Variants in DOCK3 observed in about 807,000 individuals in gnomAD.
DOCK3 encodes dedicator of cytokinesis 3, also known as dedicator of cytokinesis protein 3.
In DOCK3, 60 loss-of-function variants were observed where a neutral mutation model predicts 265.6. The observed-to-expected ratio is 0.23, with a 90% CI of 0.18 to 0.28. DOCK3 has a LOEUF of 0.28. DOCK3 is among the 10% of genes least tolerant of loss of function. DOCK3 has a pLI of 1.00. For missense variants in DOCK3, 1,981 were observed against 2,594.3 expected (o/e 0.76, Z 5.14); for synonymous variants, 881 against 938.0 (o/e 0.94, Z 1.11).
At chr3:50,686,783 C>T (rs1489359691) in intron 1 of DOCK3, among the ~76,000 whole-genome samples, 1 of 151,016 alleles carries the variant, frequency 6.6e-6, no homozygotes, top group African/African-American at 2.4e-5. Context: ...GTGGCACGCA[C>T]CTATAATCCC....
intron 3 of DOCK3, chr3:50,877,285 T>A (rs968410001): frequency 5.0e-5 from 18 of 358,084 alleles, no homozygotes; most frequent in Non-Finnish European, 6.1e-5. Context: ...ACTCTTGATA[T>A]TTCTATTCAA....
intron 27 of DOCK3, among the ~76,000 whole-genome samples, chr3:51,308,020 A>T (rs2082795609): frequency 6.6e-6 from 1 of 151,646 alleles, no homozygotes; most frequent in Non-Finnish European, 1.5e-5. Context: ...CAGGTCAAAT[A>T]ATAACAATTC....
At chr3:50,782,488 C>T (rs1334668455) in intron 2 of DOCK3, among the ~76,000 whole-genome samples, 2 of 151,368 alleles carry the variant, frequency 1.3e-5, no homozygotes, top group African/African-American at 4.9e-5. Flanking sequence ...GACGGGGTTT[C>T]ACCTTGTTAG....
Position 51,361,897 on chromosome 3 carries a change from C to T in DOCK3, c.5045C>T (p.Ser1682Phe). The T allele has an allele frequency of 6.2e-7, 1 of 1,613,418 alleles. No individual in the cohort carries two copies. Among genetic ancestry groups the T allele is most frequent in the Non-Finnish European group, 8.5e-7 (1 of 1,179,698 alleles). Residue 1682 changes from serine to phenylalanine, a missense_variant, in exon 48 of 53, where the codon TCC becomes TTC. Transcript: ENST00000266037. This position sits in a 1 kb window ranked among gnomAD's most constrained non-coding sequence, Gnocchi z 4.2. ...NLMGTGRHSS[S>F]SLSSHASSEA... ...ATGGGCACAGGCCGCCATTCATCAT[C>T]CTCTCTCTCCTCACATGCGTCTAGT...
rs1164800032 is a variant in DOCK3, at chr3:51,153,938, G to T, written c.829-5306G>T. Among the ~76,000 whole-genome samples, 9 of 152,292 alleles carry T rather than the reference G, an allele frequency of 5.9e-5. No individual in the cohort carries two copies. In the East Asian group the frequency reaches 1.5e-3, roughly 26 times the overall value. ...CAGTTTTGATTATTGTGGATTCTTT[G>T]ATCTGTTTCAGTGATCCTGAGATAC... On this transcript the variant is annotated intron_variant, in intron 10 of 52. Coordinates refer to ENST00000266037, the MANE Select transcript of DOCK3 (RefSeq NM_004947.5).
intron 12 of DOCK3, among the ~76,000 whole-genome samples, chr3:51,173,496 G>C (rs897423925): frequency 1.3e-5 from 2 of 152,146 alleles, no homozygotes; most frequent in African/African-American, 4.8e-5. Context: ...ACTCCCTTTA[G>C]TATTTCTGAA....
At chr3:51,025,001 T>C (rs1361322706) in intron 5 of DOCK3, among the ~76,000 whole-genome samples, 1 of 152,190 alleles carries the variant, frequency 6.6e-6, no homozygotes, top group Non-Finnish European at 1.5e-5. Context: ...TCTGTGTTGG[T>C]TGGCCTCCAG....
At chr3:51,275,340 C>G in intron 25 of DOCK3, 134 bp downstream of exon 25, 1 of 1,369,650 alleles carries the variant, frequency 7.3e-7, no homozygotes, top group South Asian at 1.3e-5. Context: ...CAGGAAGGTG[C>G]CCAAGTGAAT....
intron 1 of DOCK3, among the ~76,000 whole-genome samples, chr3:50,752,172 GGT>G (rs2108314788): frequency 6.6e-6 from 1 of 152,230 alleles, no homozygotes; most frequent in Non-Finnish European, 1.5e-5. Context: ...TTGTAAGAAA[GGT>G]GTGTTAGGTA....
intron 3 of DOCK3, among the ~76,000 whole-genome samples, chr3:50,860,087 C>A (rs1408532491): frequency 6.6e-6 from 1 of 152,130 alleles, no homozygotes; most frequent in Admixed American, 6.5e-5. Flanking sequence ...TTGCTCAGTG[C>A]AGTCAGTCCA....
chr3:51,071,661 G>T (rs2081871080), intron 6 of DOCK3, among the ~76,000 whole-genome samples: 1 of 152,106 alleles, frequency 6.6e-6, no homozygotes. Context: ...GTGTGGTTTG[G>T]TGGTATACCC....
chr3:50,796,816 A>G (rs534679023), intron 2 of DOCK3, among the ~76,000 whole-genome samples: 1 of 151,964 alleles, frequency 6.6e-6, no homozygotes, highest in South Asian at 2.1e-4. Flanking sequence ...ATTGCGGTAT[A>G]AGGTGAATTC....
At chr3:50,864,513 C>T (rs1421460677) in intron 3 of DOCK3, among the ~76,000 whole-genome samples, 4 of 152,114 alleles carry the variant, frequency 2.6e-5, no homozygotes, top group Non-Finnish European at 4.4e-5. Context: ...ACAATTTTTG[C>T]TCAAACCAAT....
Position 50,675,240 on chromosome 3 carries a change from C to G in DOCK3, c.-24C>G. 1 of 1,175,162 alleles carries G rather than the reference C, an allele frequency of 8.5e-7. No individual in the cohort carries two copies. The highest frequency in any genetic ancestry group is 1.1e-6 in the Non-Finnish European group (1 of 944,288). 72.8% of individuals were successfully genotyped at this position (1,175,162 alleles called of 1,614,324 possible). ...CGCGTTGTCGCCCGGTCGCCGCGCC[C>G]GCGGGGCCGCGCCCGGCACGGCCAT... is the stretch of plus-strand genomic sequence containing the variant. On this transcript the variant is annotated 5_prime_UTR_variant, in exon 1 of 53. Transcript: ENST00000266037. This position sits in a 1 kb window ranked among gnomAD's most constrained non-coding sequence, Gnocchi z 6.1.
At chr3:51,071,351 G>A (rs1229807626) in intron 6 of DOCK3, among the ~76,000 whole-genome samples, 1 of 152,172 alleles carries the variant, frequency 6.6e-6, no homozygotes, top group African/African-American at 2.4e-5. Context: ...TTTTTGTGAA[G>A]ACTGTTTACC....
At chr3:50,799,119 C>T (rs1002290330) in intron 2 of DOCK3, among the ~76,000 whole-genome samples, 1 of 152,054 alleles carries the variant, frequency 6.6e-6, no homozygotes, top group Non-Finnish European at 1.5e-5. Context: ...GTTTTGGTTA[C>T]TATTGCTTTG....
intron 3 of DOCK3, among the ~76,000 whole-genome samples, chr3:50,851,599 C>T (rs888637243): frequency 6.6e-6 from 1 of 152,118 alleles, no homozygotes; most frequent in Non-Finnish European, 1.5e-5. Flanking sequence ...GCATATTGAT[C>T]TTAGGGAAGC....
At chr3:50,909,478 G>A (rs1288987717) in intron 4 of DOCK3, among the ~76,000 whole-genome samples, 1 of 151,998 alleles carries the variant, frequency 6.6e-6, no homozygotes, top group East Asian at 1.9e-4. Context: ...ATGAAGCTTA[G>A]TTTGGCCAGA....
intron 2 of DOCK3, chr3:50,787,640 C>T: frequency 7.7e-7 from 1 of 1,291,702 alleles, no homozygotes; most frequent in Non-Finnish European, 1.1e-6. Flanking sequence ...GGTGGCTCTG[C>T]ACTCTTCCTG....
Sources: allele counts gnomAD v4.1 joint callset (sites outside exome capture counted in the v4.1 genomes callset), GRCh38; gene constraint gnomAD v4.1.1; non-coding constraint Gnocchi (gnomAD v3.1); transcripts MANE v1.5; gene names NCBI Gene and HGNC (gene_info 2026-07-23, HGNC 2026-07-21).